The following ERCC3 variants were observed in gnomAD, a reference collection of about 807,000 sequenced individuals.
The protein encoded by ERCC3 is ERCC excision repair 3, TFIIH core complex helicase subunit.
A neutral mutation model predicts 94.2 loss-of-function variants in ERCC3; 66 were observed. The ratio of observed to expected loss-of-function variants is 0.70; its 90% CI spans 0.57 to 0.86. The LOEUF (loss-of-function observed/expected upper bound fraction) is 0.86. ERCC3 is among the 40% of genes least tolerant of loss of function. ERCC3 has a pLI of 0.00. For missense variants in ERCC3, 829 were observed against 987.1 expected, an observed-to-expected ratio of 0.84 and a Z score of 2.15; for synonymous variants, 349 against 369.1, an observed-to-expected ratio of 0.95 and a Z score of 0.63.
At chr2:127,263,058 T>C (rs1222095316) in intron 12 of ERCC3, among the ~76,000 whole-genome samples, 1 of 152,134 alleles carries the variant, frequency 6.6e-6, no homozygotes, top group East Asian at 1.9e-4. Context: ...TTGGTTACTG[T>C]AAGCCCTGTA....
intron 10 of ERCC3, among the ~76,000 whole-genome samples, chr2:127,276,836 G>C (rs1304915336): frequency 2.0e-5 from 3 of 152,134 alleles, no homozygotes; most frequent in Non-Finnish European, 4.4e-5. Flanking sequence ...GTTTTCAAGG[G>C]AAGGAAAACG....
In ERCC3 at chr2:127,279,056, T is replaced by G. The variant is rs1314510463; in HGVS notation, c.1730+117A>C. 2.7e-6 allele frequency: 2 copies of G among 734,826 alleles called. No individual in the cohort carries two copies. The highest frequency in any genetic ancestry group is 4.8e-6 in the Non-Finnish European group (2 of 416,796). The allele number at this position is 734,826 out of a possible 1,614,324, so 45.5% of individuals were successfully genotyped here. ...AGACCAGGGCCACAGAACAAGATCT[T>G]TGGAGCCCAAGAAGTTCCTGAGAGA... On this transcript the variant is annotated intron_variant, in intron 10 of 14. Transcript: ENST00000285398. The surrounding 1 kb of genome is among the most constrained non-coding windows in gnomAD (Gnocchi z 4.7).
intron 1 of ERCC3, 135 bp downstream of exon 1, chr2:127,293,919 G>A: frequency 1.3e-6 from 2 of 1,529,524 alleles, no homozygotes; most frequent in Non-Finnish European, 1.7e-6. Context: ...CCGCCCAAAG[G>A]CCTGTCCCAA....
At chr2:127,267,113 T>G (rs973970236) in intron 12 of ERCC3, among the ~76,000 whole-genome samples, 5 of 152,224 alleles carry the variant, frequency 3.3e-5, no homozygotes, top group Non-Finnish European at 7.3e-5. Flanking sequence ...TTAGGTCCAA[T>G]TGGTCAAGTG....
intron 7 of ERCC3, among the ~76,000 whole-genome samples, 193 bp downstream of exon 7, chr2:127,288,467 A>AC (rs1685153371): frequency 6.6e-6 from 1 of 151,782 alleles, no homozygotes. Context: ...CCACCATAAT[A>AC]CCCCCAGTGT....
Position 127,288,697 on chromosome 2 carries a change from G to A in ERCC3, c.990C>T (p.Asn330=), listed in dbSNP as rs745787533. 18 of 1,613,994 alleles carry A rather than the reference G, an allele frequency of 1.1e-5. 1 individual carries two copies. The highest frequency in any genetic ancestry group is 3.3e-4 in the Middle Eastern group (2 of 6,084). ...CAATGACCCCCGAACGTGCACGCCC[G>A]TTTCCAAACATCTTTCGCAAGCTCT... ...QEKSLRKMFG[N]GRARSGVIVL... is the part of the protein sequence containing the mutation. Residue 330 remains asparagine (N), a synonymous_variant, in exon 7 of 15, where the codon AAC becomes AAT. Transcript: ENST00000285398.
Position 127,257,794 on chromosome 2 carries a change from A to G in ERCC3, c.2218-67T>C. ...AAAAGATACTCCTTTTATAATACTT[A>G]TAATCACAGCAAATTTTATAAGACT... On this transcript the variant is annotated intron_variant, in intron 14 of 14. Transcript: ENST00000285398. The surrounding 1 kb of genome is among the most constrained non-coding windows in gnomAD (Gnocchi z 5.4). The G allele has an allele frequency of 6.5e-7, 1 of 1,542,430 alleles. No individual in the cohort carries two copies. The highest frequency in any genetic ancestry group is 8.9e-7 in the Non-Finnish European group (1 of 1,117,490).
Position 127,292,601 on chromosome 2 carries a change from G to A in ERCC3, c.471+9C>T. On this transcript the variant is annotated intron_variant, in intron 3 of 14. Transcript: ENST00000285398. ...GCAGGTGGAATTGCTGGTCTCAGCTGTCACTTGCCTTAATAAACTGCATAA... is the reference window on the plus strand; with the variant it reads ...GCAGGTGGAATTGCTGGTCTCAGCTATCACTTGCCTTAATAAACTGCATAA... The A allele has an allele frequency of 6.4e-7, 1 of 1,562,444 alleles. No homozygotes were observed. Among genetic ancestry groups the A allele is most frequent in the Non-Finnish European group, 8.8e-7 (1 of 1,133,384 alleles).
chr2:127,285,475 G>C (rs1685035287), intron 8 of ERCC3, among the ~76,000 whole-genome samples: 1 of 152,146 alleles, frequency 6.6e-6, no homozygotes, highest in Non-Finnish European at 1.5e-5. Context: ...CGGATCACCT[G>C]AAGTCAGGAG....
intron 12 of ERCC3, among the ~76,000 whole-genome samples, chr2:127,270,734 T>C (rs1257418162): frequency 1.3e-5 from 2 of 152,176 alleles, no homozygotes; most frequent in African/African-American, 4.8e-5. Flanking sequence ...GTCCCTGCCA[T>C]GTCCACAATG....
Position 127,272,963 on chromosome 2 carries a change from T to C in ERCC3, c.1731-2A>G. ...GACGTAGGTCCGTAGATATAGGGTC[T>C]AGAGAAGAATGAAGCTGTGTTAGAC... On this transcript the variant is annotated splice_acceptor_variant, in intron 10 of 14. Coordinates refer to ENST00000285398, the MANE Select transcript of ERCC3 (RefSeq NM_000122.2). LOFTEE classifies it high-confidence loss of function. 6.3e-7 allele frequency: 1 copy of C among 1,580,940 alleles called. No homozygotes were observed. The highest frequency in any genetic ancestry group is 8.7e-7 in the Non-Finnish European group (1 of 1,149,910).
chr2:127,271,453 C>T lies in ERCC3; in HGVS notation c.1828G>A (p.Val610Ile). ...PKINTIFISK[V>I]GDTSFDLPEA... ...GGCAGATCAAACGAAGTGTCACCTACCTACAGAAACAAGTTGGAAGGTTTT... is the reference window on the plus strand; with the variant it reads ...GGCAGATCAAACGAAGTGTCACCTATCTACAGAAACAAGTTGGAAGGTTTT... The change falls in exon 12 of 15, where the codon GTA (valine) becomes ATA (isoleucine). Residue 610 changes from valine to isoleucine, a missense_variant and splice_region_variant. Coordinates refer to ENST00000285398, the MANE Select transcript of ERCC3 (RefSeq NM_000122.2). This position sits in a 1 kb window ranked among gnomAD's most constrained non-coding sequence, Gnocchi z 5.0. The T allele has an allele frequency of 6.2e-7, 1 of 1,608,100 alleles. No homozygotes were observed. The highest frequency in any genetic ancestry group is 8.5e-7 in the Non-Finnish European group (1 of 1,174,792).
At chr2:127,282,735 T>TA (rs1491318285) in intron 8 of ERCC3, among the ~76,000 whole-genome samples, 1 of 152,188 alleles carries the variant, frequency 6.6e-6, no homozygotes, top group Non-Finnish European at 1.5e-5. Context: ...AAAAATCCCT[T>TA]AGAGTTTGTT....
At chr2:127,290,318 C>T in intron 3 of ERCC3, 45 bp from the exon 4 acceptor site, 1 of 1,455,048 alleles carries the variant, frequency 6.9e-7, no homozygotes, top group Non-Finnish European at 9.7e-7. Flanking sequence ...GCAGCTAACT[C>T]AGAACACATT....
At chr2:127,263,466 T>C (rs1198140877) in intron 12 of ERCC3, among the ~76,000 whole-genome samples, 1 of 152,206 alleles carries the variant, frequency 6.6e-6, no homozygotes, top group East Asian at 1.9e-4. Flanking sequence ...TTTTTGTACA[T>C]TGATTTTGAA....
intron 10 of ERCC3, among the ~76,000 whole-genome samples, chr2:127,278,738 T>C (rs554780629): frequency 2.0e-5 from 3 of 152,364 alleles, no homozygotes; most frequent in Admixed American, 2.0e-4. Context: ...TGGGCATTTC[T>C]AAGCTCCTTC....
At chr2:127,289,963 C>T in intron 4 of ERCC3, 139 bp from the exon 5 acceptor site, 1 of 1,044,900 alleles carries the variant, frequency 9.6e-7, no homozygotes, top group African/African-American at 1.6e-5. Context: ...GTACCATGAG[C>T]TGCCGGCCAT....
At position 127,293,875 on chromosome 2, in the gene ERCC3, G is replaced by A. The variant is rs538470135; in HGVS notation, c.29-157C>T. 18 of 1,537,900 alleles carry A rather than the reference G, an allele frequency of 1.2e-5. No individual in the cohort carries two copies. The African/African-American group carries it at 1.6e-4, about 14-fold the overall frequency. ...CCCTCACCCGTCTCCCCTAGGCCGA[G>A]TTCGCTGGGCTGCGCCCAGGTCCAG... On this transcript the variant is annotated intron_variant, in intron 1 of 14. Coordinates refer to ENST00000285398, the MANE Select transcript of ERCC3 (RefSeq NM_000122.2).
At chr2:127,289,232 G>C (rs1685182830) in intron 6 of ERCC3, 105 bp downstream of exon 6, 3 of 997,392 alleles carry the variant, frequency 3.0e-6, no homozygotes, top group Non-Finnish European at 1.6e-6. Flanking sequence ...GGACCAACAG[G>C]GACTCCTTCC....
Sources: allele counts gnomAD v4.1 joint callset (sites outside exome capture counted in the v4.1 genomes callset), GRCh38; gene constraint gnomAD v4.1.1; non-coding constraint Gnocchi (gnomAD v3.1); transcripts MANE v1.5; gene names NCBI Gene and HGNC (gene_info 2026-07-23, HGNC 2026-07-21).